Variants in STARD9 observed in about 807,000 individuals in gnomAD.
STARD9 encodes StAR related lipid transfer domain containing 9.
STARD9 carries 346 observed loss-of-function variants against 399.8 expected under a neutral mutation model. The observed-to-expected ratio is 0.87, with a 90% CI of 0.79 to 0.95. The LOEUF (loss-of-function observed/expected upper bound fraction) is 0.95, where lower values mean the gene tolerates loss of function less well. Among genes scored for constraint, STARD9 ranks in the 40% least tolerant of loss-of-function variants. The probability of loss-of-function intolerance (pLI) is 0.00; values close to 1 mark genes in which losing one functional copy is unlikely to be tolerated. For synonymous variants in STARD9, 2,203 were observed against 2,143.5 expected (o/e 1.03, Z -0.77); for missense variants, 5,832 against 5,667.5 (o/e 1.03, Z -0.93).
chr15:42,605,951 T>G (rs571305144), intron 3 of STARD9, among the ~76,000 whole-genome samples: 18 of 152,350 alleles, frequency 1.2e-4, no homozygotes, highest in African/African-American at 4.1e-4. Context: ...TCAGAGATTT[T>G]AAGAAAATAC....
In STARD9 at chr15:42,691,347, C is replaced by T. The variant is rs1320044714; in HGVS notation, c.9769C>T (p.Pro3257Ser). ...AGREEVAVAK[P>S]PVSKILSQGF... is the part of the protein sequence containing the mutation. ...GAGAGAGGAGGTGGCTGTGGCCAAG[C>T]CTCCTGTGTCCAAGATTTTATCACA... is the stretch of plus-strand genomic sequence containing the variant. The change falls in exon 23 of 33, where the codon CCT (proline) becomes TCT (serine). Residue 3257 changes from proline to serine, a missense_variant. Physicochemically the swap from Pro to Ser is moderately conservative, Grantham distance 74. Around this residue, in one of 2 missense-constraint regions of STARD9, gnomAD observed 5,828 missense variants for 5,651.1 expected, o/e 1.03. Coordinates refer to ENST00000290607, the MANE Select transcript of STARD9 (RefSeq NM_020759.3). The T allele has an allele frequency of 7.2e-6, 11 of 1,537,102 alleles. No individual in the cohort carries two copies. Among genetic ancestry groups the T allele is most frequent in the Non-Finnish European group, 8.7e-6 (10 of 1,146,912 alleles).
chr15:42,595,015 T>C (rs2058475346), intron 3 of STARD9, among the ~76,000 whole-genome samples: 1 of 152,224 alleles, frequency 6.6e-6, no homozygotes, highest in South Asian at 2.1e-4. Flanking sequence ...ATCTGCTGCC[T>C]CAGAAAGTAC....
At chr15:42,680,599 CA>C (rs1173883980) in intron 20 of STARD9, among the ~76,000 whole-genome samples, 1 of 151,616 alleles carries the variant, frequency 6.6e-6, no homozygotes, top group Non-Finnish European at 1.5e-5. Context: ...GACCCTGTCT[CA>C]AAAAAAGAAA....
intron 1 of STARD9, among the ~76,000 whole-genome samples, chr15:42,582,313 A>C (rs777096550): frequency 6.6e-6 from 1 of 152,142 alleles, no homozygotes; most frequent in Admixed American, 6.6e-5. Context: ...GATAACTTTT[A>C]TTGTTTGTAG....
In STARD9 at chr15:42,718,096, G is replaced by C; in HGVS notation, c.13679G>C (p.Ser4560Thr). 1 of 1,537,270 alleles carries C rather than the reference G, an allele frequency of 6.5e-7. No homozygotes were observed. The highest frequency in any genetic ancestry group is 1.2e-5 in the South Asian group (1 of 84,056). The change falls in exon 30 of 33, where the codon AGT becomes ACT. Residue 4560 changes from serine (S) to threonine (T), a missense_variant. Physicochemically the swap from Ser to Thr is moderately conservative, Grantham distance 58 (BLOSUM62 1). Coordinates refer to ENST00000290607, the MANE Select transcript of STARD9 (RefSeq NM_020759.3). Reference protein sequence around the residue: ...QPLSRVWAAVSDPTVWPLYYK... With the variant: ...QPLSRVWAAVTDPTVWPLYYK... ...CTGTCTCGTGTGTGGGCGGCTGTCA[G>C]TGACCCCACTGTGTGGCCCCTGTAT...
chr15:42,683,936 G>A (rs2060489031), intron 22 of STARD9, among the ~76,000 whole-genome samples, 180 bp from the exon 23 acceptor site: 2 of 152,178 alleles, frequency 1.3e-5, no homozygotes, highest in Admixed American at 6.5e-5. Flanking sequence ...AACAGAGTGG[G>A]CCTGGAGCCT....
chr15:42,583,556 AT>A, intron 2 of STARD9, 141 bp downstream of exon 2: 1 of 569,988 alleles, frequency 1.8e-6, no homozygotes, highest in Non-Finnish European at 3.0e-6. Context: ...GGAGGAGCTT[AT>A]GCCAATCATA....
chr15:42,718,358 G>A, intron 30 of STARD9, 77 bp from the exon 31 acceptor site: 2 of 1,324,268 alleles, frequency 1.5e-6, no homozygotes, highest in Middle Eastern at 1.8e-4. Flanking sequence ...GTTGGGGGGA[G>A]GGCTCCCTGA....
chr15:42,591,537 C>G (rs1057464100), intron 3 of STARD9, among the ~76,000 whole-genome samples: 1 of 151,976 alleles, frequency 6.6e-6, no homozygotes, highest in South Asian at 2.1e-4. Context: ...TAGGCCAACC[C>G]TCATATGTTA....
intron 3 of STARD9, among the ~76,000 whole-genome samples, chr15:42,634,244 A>G (rs890495245): frequency 5.9e-5 from 9 of 152,170 alleles, no homozygotes; most frequent in African/African-American, 2.2e-4. Context: ...AACAGAGCTC[A>G]GTAGGACTTC....
Position 42,685,355 on chromosome 15 carries a change from C to T in STARD9, c.3777C>T (p.Tyr1259=). 1 of 1,537,242 alleles carries T rather than the reference C, an allele frequency of 6.5e-7. No individual in the cohort carries two copies. ...EAICRLGPIN[Y]RTAARLDAVL... ...TATGCAGGCTTGGTCCCATCAACTA[C>T]AGAACAGCAGCTAGGCTGGATGCCG... Residue 1259 remains tyrosine (Y), a synonymous_variant, in exon 23 of 33, where the codon TAC becomes TAT. Coordinates refer to ENST00000290607, the MANE Select transcript of STARD9 (RefSeq NM_020759.3).
At chr15:42,703,484 C>T (rs1191269173) in intron 26 of STARD9, among the ~76,000 whole-genome samples, 1 of 151,518 alleles carries the variant, frequency 6.6e-6, no homozygotes, top group African/African-American at 2.4e-5. Flanking sequence ...CTGCCTCAGC[C>T]TCCCAAGTAG....
intron 3 of STARD9, among the ~76,000 whole-genome samples, chr15:42,631,580 CAAAA>C (rs754132188): frequency 1.5e-5 from 2 of 133,478 alleles, no homozygotes; most frequent in African/African-American, 2.8e-5. Flanking sequence ...ATTCCGTCTC[CAAAA>C]AAAAAAAAGA....
At chr15:42,712,078 A>AT (rs2061237170) in intron 26 of STARD9, among the ~76,000 whole-genome samples, 1 of 43,178 alleles carries the variant, frequency 2.3e-5, no homozygotes, top group Non-Finnish European at 3.2e-5. Context: ...ATATATATAT[A>AT]TATTATATAT....
At position 42,638,802 on chromosome 15, in the gene STARD9, C is replaced by G. The variant is rs1223650190; in HGVS notation, c.549C>G (p.Pro183=). 5 of 1,531,716 alleles carry G rather than the reference C, an allele frequency of 3.3e-6. No individual in the cohort carries two copies. The highest frequency in any genetic ancestry group is 2.7e-5 in the African/African-American group (2 of 72,832). The allele number at this position is 1,531,716 out of a possible 1,614,324, so 94.9% of individuals were successfully genotyped here. Residue 183 remains proline, a synonymous_variant, in exon 7 of 33, where the codon CCC becomes CCG. Coordinates refer to ENST00000290607, the MANE Select transcript of STARD9 (RefSeq NM_020759.3). The part of the protein sequence containing the change: ...LRVREHPEMG[P]YVQGLSQHVV... ...TCAGGGAGCATCCAGAGATGGGGCC[C>G]TATGTACAAGGTGAGCTACTGTGGT...
chr15:42,586,367 C>G (rs1449068336), intron 3 of STARD9, among the ~76,000 whole-genome samples: 1 of 152,166 alleles, frequency 6.6e-6, no homozygotes, highest in Non-Finnish European at 1.5e-5. Flanking sequence ...CCAGCTGAGC[C>G]TGTTGGTCAC....
chr15:42,642,903 G>A (rs1031368110), intron 7 of STARD9, among the ~76,000 whole-genome samples: 1 of 151,974 alleles, frequency 6.6e-6, no homozygotes, highest in Non-Finnish European at 1.5e-5. Flanking sequence ...GACTCAGGCA[G>A]TCCTCCTACC....
chr15:42,676,373 C>T (rs1235438511), intron 20 of STARD9, among the ~76,000 whole-genome samples: 1 of 152,098 alleles, frequency 6.6e-6, no homozygotes, highest in Non-Finnish European at 1.5e-5. Flanking sequence ...GTATATGTCA[C>T]GTAGTGTATG....
chr15:42,695,787 C>A lies in STARD9; in HGVS notation c.13191C>A (p.Cys4397Ter). Residue 4397 changes from cysteine to a stop codon, truncating the protein, a stop_gained, in exon 26 of 33, where the codon TGC becomes TGA. Transcript: ENST00000290607. LOFTEE classifies it high-confidence loss of function. ...CCTTGGCCAATTCCAGCTCCCTGTG[C>A]ACCAGCTCTAATGGAAGCCTCTCGT... ...LHTLANSSSL[C>*]TSSNGSLSSG... The A allele has an allele frequency of 6.5e-7, 1 of 1,537,248 alleles. No individual in the cohort carries two copies. The highest frequency in any genetic ancestry group is 8.7e-7 in the Non-Finnish European group (1 of 1,146,876).
Sources: allele counts gnomAD v4.1 joint callset (sites outside exome capture counted in the v4.1 genomes callset), GRCh38; gene constraint gnomAD v4.1.1; regional missense constraint gnomAD v4.1.1; transcripts MANE v1.5; gene names NCBI Gene and HGNC (gene_info 2026-07-23, HGNC 2026-07-21).